The following UPK1B variants were observed in gnomAD, a reference collection of about 807,000 sequenced individuals.
UPK1B encodes the protein uroplakin-1b.
A neutral mutation model predicts 34.2 loss-of-function variants in UPK1B; 28 were observed. The observed-to-expected ratio is 0.82, with a 90% CI of 0.61 to 1.12. The LOEUF (loss-of-function observed/expected upper bound fraction) is 1.12, where lower values mean the gene tolerates loss of function less well. Among genes scored for constraint, UPK1B ranks in the 50% most tolerant of loss-of-function variants. The probability of loss-of-function intolerance (pLI) is 0.00; values close to 1 mark genes in which losing one functional copy is unlikely to be tolerated. For synonymous variants in UPK1B, 81 were observed against 110.4 expected (o/e 0.73, Z 1.67); for missense variants, 325 against 320.9 (o/e 1.01, Z -0.10).
rs568508496 is a variant in UPK1B, at chr3:119,203,297, C to T, written c.733-620C>T. On this transcript the variant is annotated intron_variant, in intron 7 of 7. Coordinates refer to ENST00000264234, the MANE Select transcript of UPK1B (RefSeq NM_006952.4). ...CGGAGCTTGCAGTGAGTCAAGATCGCGCCACTGCACTCCAGCCTGGGCGAC... is the reference window on the plus strand; with the variant it reads ...CGGAGCTTGCAGTGAGTCAAGATCGTGCCACTGCACTCCAGCCTGGGCGAC... Among the ~76,000 whole-genome samples the T allele has an allele frequency of 2.2e-4, 30 of 133,830 alleles. 1 individual carries two copies. The highest frequency in any genetic ancestry group is 5.9e-4 in the African/African-American group (21 of 35,406). 87.8% of individuals were successfully genotyped at this position (133,830 alleles called of 152,430 possible).
intron 1 of UPK1B, among the ~76,000 whole-genome samples, chr3:119,184,670 G>A (rs906028750): frequency 1.1e-4 from 16 of 151,984 alleles, no homozygotes; most frequent in Non-Finnish European, 2.4e-4. Flanking sequence ...AGGTTGCAGT[G>A]AGCCAAGATC....
At chr3:119,186,643 G>C in intron 1 of UPK1B, 71 bp from the exon 2 acceptor site, 3 of 1,153,948 alleles carry the variant, frequency 2.6e-6, no homozygotes, top group Admixed American at 3.9e-5. Context: ...GGAACAAGGA[G>C]GCAATACGCA....
chr3:119,202,757 G>A (rs942604425), intron 7 of UPK1B, among the ~76,000 whole-genome samples: 6 of 152,154 alleles, frequency 3.9e-5, no homozygotes, highest in African/African-American at 1.4e-4. Flanking sequence ...AAAAATAGAA[G>A]TTCCCTGGGA....
chr3:119,184,543 C>A (rs1438753627), intron 1 of UPK1B, among the ~76,000 whole-genome samples: 1 of 148,792 alleles, frequency 6.7e-6, no homozygotes, highest in Non-Finnish European at 1.5e-5. Flanking sequence ...TATGGTGGAA[C>A]CCCATCTCTA....
Position 119,175,025 on chromosome 3 carries a change from T to A in UPK1B, c.-29+1387T>A, listed in dbSNP as rs2077948522. On this transcript the variant is annotated intron_variant, in intron 1 of 7. Coordinates refer to ENST00000264234, the MANE Select transcript of UPK1B (RefSeq NM_006952.4). Reference sequence around the variant, plus strand: ...TTCTTTTATTTTCTTTTTTTTTTTTTTTTTTTTTTTTTTTTTTTTTTTGAG... The same window carrying A: ...TTCTTTTATTTTCTTTTTTTTTTTTATTTTTTTTTTTTTTTTTTTTTTGAG... 3.1e-5 allele frequency among the ~76,000 whole-genome samples: 2 copies of A among 65,084 alleles called. 1 individual carries two copies. The highest frequency in any genetic ancestry group is 6.1e-5 in the Non-Finnish European group (2 of 32,522). 42.7% of individuals were successfully genotyped at this position (65,084 alleles called of 152,430 possible).
intron 1 of UPK1B, among the ~76,000 whole-genome samples, chr3:119,184,182 T>C (rs533550452): frequency 6.4e-4 from 98 of 152,252 alleles, no homozygotes; most frequent in Non-Finnish European, 1.2e-3. Context: ...AATTCTCCCA[T>C]AGAATATTCA....
chr3:119,193,863 T>A (rs1304138572), intron 5 of UPK1B, among the ~76,000 whole-genome samples: 1 of 152,188 alleles, frequency 6.6e-6, no homozygotes, highest in Non-Finnish European at 1.5e-5. Context: ...CCAGGCACTG[T>A]ATTGAGCACA....
Position 119,182,524 on chromosome 3 carries a change from T to C in UPK1B, c.-28-4190T>C, listed in dbSNP as rs531328429. Among the ~76,000 whole-genome samples, 3 of 152,368 alleles carry C rather than the reference T, an allele frequency of 2.0e-5. No homozygotes were observed. In the East Asian group the frequency reaches 5.8e-4, roughly 29 times the overall value. On this transcript the variant is annotated intron_variant, in intron 1 of 7. Transcript: ENST00000264234. ...CACAGCAACTCCATCTAACAAGTTA[T>C]TGTCTACTAATTTTATAAACGAGGA...
intron 2 of UPK1B, 122 bp from the exon 3 acceptor site, chr3:119,187,653 G>A (rs2078025100): frequency 9.9e-7 from 1 of 1,012,936 alleles, no homozygotes; most frequent in Non-Finnish European, 1.5e-6. Flanking sequence ...GCAATGGGGA[G>A]TTTAGATTAG....
chr3:119,199,635 C>T (rs1398306604), intron 7 of UPK1B, among the ~76,000 whole-genome samples: 9 of 152,188 alleles, frequency 5.9e-5, no homozygotes. Context: ...GGTTCTCAGC[C>T]CTGGCTACAC....
intron 6 of UPK1B, 28 bp downstream of exon 6, chr3:119,194,426 C>G (rs1389207169): frequency 1.3e-6 from 2 of 1,581,766 alleles, no homozygotes; most frequent in African/African-American, 2.7e-5. Flanking sequence ...CCAAGACTTC[C>G]CAGGAGGTTC....
At position 119,190,266 on chromosome 3, in the gene UPK1B, G is replaced by T; in HGVS notation, c.292G>T (p.Val98Leu). 1.9e-6 allele frequency: 3 copies of T among 1,611,550 alleles called. No individual in the cohort carries two copies. The highest frequency in any genetic ancestry group is 2.5e-6 in the Non-Finnish European group (3 of 1,178,322). The change falls in exon 4 of 8, where the codon GTA (valine) becomes TTA (leucine). Residue 98 changes from valine to leucine, a missense_variant. Val to Leu is a conservative substitution (Grantham distance 32). Transcript: ENST00000264234. The part of the protein sequence containing the change: ...LLAYFILMFI[V>L]YAFEVASCIT... Reference sequence around the variant, plus strand: ...CCAGTATTTCATTCTGATGTTTATAGTATATGCCTTTGAAGTGGCATCTTG... The same window carrying T: ...CCAGTATTTCATTCTGATGTTTATATTATATGCCTTTGAAGTGGCATCTTG...
rs1576868623 is a variant in UPK1B at position 119,187,268 on chromosome 3, G to A, written c.69+458G>A. ...GGTCTGGTGGCATAGAAGAACATTT[G>A]TTTTGGAGTCCAGAGCTCTTGGCCC... On this transcript the variant is annotated intron_variant, in intron 2 of 7. Transcript: ENST00000264234. 1.3e-5 allele frequency among the ~76,000 whole-genome samples: 2 copies of A among 151,472 alleles called. 1 individual carries two copies. The highest frequency in any genetic ancestry group is 4.2e-4 in the South Asian group (2 of 4,766).
rs2078026827 is a variant in UPK1B at position 119,187,952 on chromosome 3, T to G, written c.247T>G (p.Ser83Ala). 7.4e-6 allele frequency: 12 copies of G among 1,614,184 alleles called. No homozygotes were observed. Among genetic ancestry groups the G allele is most frequent in the Non-Finnish European group, 1.0e-5 (12 of 1,180,018 alleles). ...TCTAGGCATTGTAGGCATCATGAAG[T>G]CCAGCAGGAAAATTCTTCTGGCGGT... ...SVLGIVGIMK[S>A]SRKILLAYFI... is the part of the protein sequence containing the mutation. Residue 83 changes from serine (S) to alanine (A), a missense_variant, in exon 3 of 8, where the codon TCC (serine) becomes GCC (alanine). By Grantham distance (99) the Ser-to-Ala change is moderately conservative. Transcript: ENST00000264234.
In UPK1B at chr3:119,199,127, T is replaced by C. The variant is rs2078080301; in HGVS notation, c.719T>C (p.Ile240Thr). ...AWGVAWFGFA[I>T]LCWTFWVLLG... ...GGGGTTGCCTGGTTTGGATTTGCCA[T>C]TCTCTGCTGGACTGTGAGTATTTCC... is the stretch of plus-strand genomic sequence containing the variant. Residue 240 changes from isoleucine (I) to threonine (T), a missense_variant, in exon 7 of 8, where the codon ATT (isoleucine) becomes ACT (threonine). Coordinates refer to ENST00000264234, the MANE Select transcript of UPK1B (RefSeq NM_006952.4). The C allele has an allele frequency of 6.2e-7, 1 of 1,614,048 alleles. No homozygotes were observed. Among genetic ancestry groups the C allele is most frequent in the Admixed American group, 1.7e-5 (1 of 60,004 alleles).
chr3:119,181,997 G>A (rs1011358025), intron 1 of UPK1B, among the ~76,000 whole-genome samples: 1 of 152,228 alleles, frequency 6.6e-6, no homozygotes, highest in African/African-American at 2.4e-5. Flanking sequence ...GTGTGGGGCA[G>A]AGGCCTTAGA....
At chr3:119,203,210 G>A (rs866060820) in intron 7 of UPK1B, among the ~76,000 whole-genome samples, 11 of 151,588 alleles carry the variant, frequency 7.3e-5, no homozygotes, top group Admixed American at 1.3e-4. Context: ...GCATGGTGGC[G>A]CGTGCCTGTA....
At chr3:119,196,818 G>A (rs1465979865) in intron 6 of UPK1B, among the ~76,000 whole-genome samples, 1 of 152,076 alleles carries the variant, frequency 6.6e-6, no homozygotes, top group African/African-American at 2.4e-5. Context: ...GATTAAAGGA[G>A]TGAGCCACCG....
At chr3:119,179,588 C>T (rs1473618198) in intron 1 of UPK1B, among the ~76,000 whole-genome samples, 1 of 128,336 alleles carries the variant, frequency 7.8e-6, no homozygotes, top group Admixed American at 9.2e-5. Context: ...TGGCTCACTG[C>T]AAGCTCGGCC....
Sources: gnomAD v4.1 joint callset for allele counts (sites outside exome capture counted in the v4.1 genomes callset) on GRCh38, gnomAD v4.1.1 for gene constraint, MANE v1.5 for transcripts, NCBI Gene and HGNC (gene_info 2026-07-23, HGNC 2026-07-21) for gene names.